The following CUL4A variants were observed in gnomAD, a reference collection of about 807,000 sequenced individuals.
The protein encoded by CUL4A is cullin-4A.
CUL4A carries 16 observed loss-of-function variants against 95.5 expected under a neutral mutation model. That is an observed-to-expected ratio of 0.17 (90% confidence interval 0.11 to 0.25). The LOEUF (loss-of-function observed/expected upper bound fraction) is 0.25, where lower values mean the gene tolerates loss of function less well. Ranked by LOEUF, CUL4A falls within the 10% of genes least tolerant of loss-of-function variation. The probability of loss-of-function intolerance (pLI) is 1.00; values close to 1 mark genes in which losing one functional copy is unlikely to be tolerated. For missense variants in CUL4A, 610 were observed against 937.0 expected, an observed-to-expected ratio of 0.65 and a Z score of 4.56; for synonymous variants, 380 against 353.1, an observed-to-expected ratio of 1.08 and a Z score of -0.85.
chr13:113,259,241 T>C (rs2042208812), intron 18 of CUL4A, among the ~76,000 whole-genome samples: 1 of 152,228 alleles, frequency 6.6e-6, no homozygotes. Flanking sequence ...TCTAAAGTAA[T>C]GTTTTTAAGG....
chr13:113,223,361 G>C (rs1388569624), intron 3 of CUL4A, among the ~76,000 whole-genome samples: 1 of 152,126 alleles, frequency 6.6e-6, no homozygotes, highest in African/African-American at 2.4e-5. Flanking sequence ...AGTACTTCAA[G>C]TAACTCTACT....
At chr13:113,224,597 T>A (rs1341016596) in intron 3 of CUL4A, among the ~76,000 whole-genome samples, 3 of 152,250 alleles carry the variant, frequency 2.0e-5, no homozygotes, top group African/African-American at 7.2e-5. Flanking sequence ...AGTGTGCCTT[T>A]ATGATCCGCA....
At chr13:113,244,915 G>A in intron 12 of CUL4A, 34 bp from the exon 13 acceptor site, 1 of 1,322,568 alleles carries the variant, frequency 7.6e-7, no homozygotes, top group Admixed American at 1.7e-5. Flanking sequence ...TCAACTCTCT[G>A]ATGTCTTGAT....
chr13:113,234,056 T>G, intron 7 of CUL4A, 70 bp downstream of exon 7: 1 of 890,258 alleles, frequency 1.1e-6, no homozygotes, highest in Non-Finnish European at 1.8e-6. Context: ...AGGACTTTCC[T>G]CATGTTTGCC....
In CUL4A at chr13:113,254,860, G is replaced by A; in HGVS notation, c.1858+62G>A. 1.9e-6 allele frequency: 3 copies of A among 1,594,622 alleles called. No homozygotes were observed. In the South Asian group the frequency reaches 3.4e-5, roughly 18 times the overall value. On this transcript the variant is annotated intron_variant, in intron 17 of 19. Coordinates refer to ENST00000375440, the MANE Select transcript of CUL4A (RefSeq NM_001008895.4). ...TTCTTAAAGCATGTATTTGTTTTAA[G>A]ATAAGACATAGACTTGGTAGCATGA...
At chr13:113,221,167 G>T (rs2040883815) in intron 3 of CUL4A, among the ~76,000 whole-genome samples, 1 of 152,180 alleles carries the variant, frequency 6.6e-6, no homozygotes, top group African/African-American at 2.4e-5. Context: ...GGCACAACTA[G>T]AACTCCAGAG....
At chr13:113,236,985 G>A (rs191792861) in intron 9 of CUL4A, 95 bp downstream of exon 9, 608 of 778,850 alleles carry the variant, frequency 7.8e-4, no homozygotes, top group Non-Finnish European at 1.0e-3. Flanking sequence ...GTGTTAGGAC[G>A]TTTGTTATTT....
intron 2 of CUL4A, among the ~76,000 whole-genome samples, chr13:113,217,706 A>G (rs2040746452): frequency 2.0e-5 from 3 of 152,174 alleles, no homozygotes; most frequent in Admixed American, 2.0e-4. Context: ...TTAAATTCAG[A>G]TTATTTATCT....
intron 5 of CUL4A, among the ~76,000 whole-genome samples, chr13:113,231,289 C>A (rs2041300593): frequency 6.6e-6 from 1 of 152,136 alleles, no homozygotes; most frequent in African/African-American, 2.4e-5. Flanking sequence ...GGGAGGAGGG[C>A]TGAGGGTGAA....
chr13:113,234,019 CT>C, intron 7 of CUL4A, 33 bp downstream of exon 7: 1 of 1,421,828 alleles, frequency 7.0e-7, no homozygotes, highest in African/African-American at 1.4e-5. Flanking sequence ...AATCCCCTGG[CT>C]TCGTTTCTGC....
At chr13:113,212,889 C>G (rs2040502926) in intron 2 of CUL4A, among the ~76,000 whole-genome samples, 1 of 152,184 alleles carries the variant, frequency 6.6e-6, no homozygotes, top group African/African-American at 2.4e-5. Flanking sequence ...TGTCAAAAAC[C>G]ACGTAGGAGT....
rs753521207 is a variant in CUL4A, at chr13:113,255,019, G to A, written c.1925G>A (p.Ser642Asn). Reference protein sequence around the residue: ...ACGKARVLIKSPKGKEVEDGD... With the variant: ...ACGKARVLIKNPKGKEVEDGD... ...GGCAAAGCACGTGTGCTGATTAAAA[G>A]TCCCAAAGGAAAGGAAGTGGAAGAT... is the stretch of plus-strand genomic sequence containing the variant. The change falls in exon 18 of 20, where the codon AGT becomes AAT. Residue 642 changes from serine to asparagine, a missense_variant. Around this residue, in one of 10 missense-constraint regions of CUL4A, gnomAD observed 72 missense variants for 93.2 expected, o/e 0.77. Transcript: ENST00000375440. 2 of 1,614,214 alleles carry A rather than the reference G, an allele frequency of 1.2e-6. No homozygotes were observed. Among genetic ancestry groups the A allele is most frequent in the South Asian group, 1.1e-5 (1 of 91,082 alleles).
At chr13:113,250,880 G>A (rs1595418724) in intron 15 of CUL4A, among the ~76,000 whole-genome samples, 1 of 152,102 alleles carries the variant, frequency 6.6e-6, no homozygotes, top group South Asian at 2.1e-4. Context: ...TGGGGAGTAG[G>A]TGCAGCAGGT....
At chr13:113,208,793 G>A (rs906012818), upstream of CUL4A, 3 of 1,418,540 alleles carry the variant, frequency 2.1e-6, no homozygotes, top group Non-Finnish European at 2.8e-6. Context: ...GCTCGGCGAC[G>A]CGCTCGGGCT....
intron 2 of CUL4A, among the ~76,000 whole-genome samples, chr13:113,216,724 G>A (rs542826840): frequency 1.3e-5 from 2 of 152,174 alleles, no homozygotes; most frequent in Non-Finnish European, 2.9e-5. Context: ...ATTTGGGGGA[G>A]GGGCAACTCC....
intron 5 of CUL4A, among the ~76,000 whole-genome samples, chr13:113,232,474 G>A (rs2041389530): frequency 6.6e-6 from 1 of 151,380 alleles, no homozygotes; most frequent in Non-Finnish European, 1.5e-5. Flanking sequence ...CCGGATTTCT[G>A]GCTGGAGCCC....
At chr13:113,222,751 A>G (rs556004276) in intron 3 of CUL4A, among the ~76,000 whole-genome samples, 10 of 152,172 alleles carry the variant, frequency 6.6e-5, no homozygotes, top group East Asian at 1.9e-4. Context: ...CTAGACGACA[A>G]TTAGCCGGGT....
At chr13:113,234,537 T>C (rs535616787) in intron 7 of CUL4A, among the ~76,000 whole-genome samples, 2 of 152,332 alleles carry the variant, frequency 1.3e-5, no homozygotes, top group East Asian at 3.9e-4. Context: ...GGAAGTTTCA[T>C]GTCAGATACT....
chr13:113,221,757 T>C (rs1244037469), intron 3 of CUL4A, among the ~76,000 whole-genome samples: 1 of 152,288 alleles, frequency 6.6e-6, no homozygotes, highest in South Asian at 2.1e-4. Flanking sequence ...TTTGTATTTT[T>C]AGTAGAGACG....
Sources: gnomAD v4.1 joint callset for allele counts (sites outside exome capture counted in the v4.1 genomes callset) on GRCh38, gnomAD v4.1.1 for gene constraint, gnomAD v4.1.1 regional missense constraint, MANE v1.5 for transcripts, NCBI Gene and HGNC (gene_info 2026-07-23, HGNC 2026-07-21) for gene names.